The following RAB3GAP1 variants were observed in gnomAD, a reference collection of about 807,000 sequenced individuals.
RAB3GAP1 encodes rab3 GTPase-activating protein catalytic subunit.
RAB3GAP1 carries 86 observed loss-of-function variants against 130.7 expected under a neutral mutation model. The observed-to-expected ratio is 0.66, with a 90% CI of 0.55 to 0.79. The LOEUF is 0.79. RAB3GAP1 is among the 30% of genes least tolerant of loss of function. The probability of loss-of-function intolerance (pLI) is 0.00; values close to 1 mark genes in which losing one functional copy is unlikely to be tolerated. For missense variants in RAB3GAP1, 1,029 were observed against 1,169.4 expected, an observed-to-expected ratio of 0.88 and a Z score of 1.75; for synonymous variants, 367 against 401.7, an observed-to-expected ratio of 0.91 and a Z score of 1.03.
chr2:135,136,802 G>A (rs1028932840), intron 17 of RAB3GAP1: 2 of 818,500 alleles, frequency 2.4e-6, no homozygotes, highest in East Asian at 1.2e-4. Flanking sequence ...TAGCCATAAA[G>A]GTTGGTCCCA....
At chr2:135,092,031 G>T (rs925596313) in intron 4 of RAB3GAP1, among the ~76,000 whole-genome samples, 1 of 152,104 alleles carries the variant, frequency 6.6e-6, no homozygotes, top group South Asian at 2.1e-4. Flanking sequence ...ATAGAATTTT[G>T]TTACCTTTTC....
intron 2 of RAB3GAP1, among the ~76,000 whole-genome samples, chr2:135,056,079 G>T (rs1169444329): frequency 6.6e-6 from 1 of 150,970 alleles, no homozygotes; most frequent in African/African-American, 2.4e-5. Context: ...CTCATGATCC[G>T]CCCGCCTCGG....
intron 5 of RAB3GAP1, among the ~76,000 whole-genome samples, chr2:135,106,127 C>T (rs1044625826): frequency 2.0e-5 from 3 of 151,892 alleles, no homozygotes; most frequent in Non-Finnish European, 4.4e-5. Flanking sequence ...CCAGCCGCCC[C>T]GTCCAGGAGG....
At chr2:135,100,553 T>C (rs1324765739) in intron 5 of RAB3GAP1, among the ~76,000 whole-genome samples, 2 of 152,260 alleles carry the variant, frequency 1.3e-5, no homozygotes, top group Non-Finnish European at 2.9e-5. Flanking sequence ...GCCTGTGTCA[T>C]GTTAGTTTGC....
At chr2:135,119,192 T>G (rs1056326174) in intron 7 of RAB3GAP1, among the ~76,000 whole-genome samples, 6 of 147,700 alleles carry the variant, frequency 4.1e-5, no homozygotes, top group African/African-American at 1.5e-4. Flanking sequence ...CACTGCAACC[T>G]CTGCCTCCCG....
chr2:135,082,129 A>C (rs1038598433), intron 3 of RAB3GAP1, among the ~76,000 whole-genome samples: 4 of 127,842 alleles, frequency 3.1e-5, no homozygotes, highest in South Asian at 5.1e-4. Context: ...GTGACAGAGC[A>C]AGACTCTGTC....
intron 6 of RAB3GAP1, 148 bp from the exon 7 acceptor site, chr2:135,115,066 CTT>C: frequency 1.5e-6 from 1 of 652,484 alleles, no homozygotes; most frequent in South Asian, 2.3e-5. Flanking sequence ...CTAAGAATGT[CTT>C]TGTTATACAC....
intron 2 of RAB3GAP1, 114 bp downstream of exon 2, chr2:135,052,599 C>A: frequency 7.9e-7 from 1 of 1,262,302 alleles, no homozygotes; most frequent in Non-Finnish European, 1.1e-6. Flanking sequence ...ACGGTAATAC[C>A]GTGGGTCCCG....
At chr2:135,117,504 T>TCTTCTTCTGCTTCTTCTGCTTCTTCTG (rs1355437292) in intron 7 of RAB3GAP1, among the ~76,000 whole-genome samples, 4 of 136,918 alleles carry the variant, frequency 2.9e-5, no homozygotes, top group African/African-American at 1.2e-4. Flanking sequence ...TGCTTCTTCT[T>TCTTCTTCTGCTTCTTCTGCTTCTTCTG]CTTCTTCTGC....
chr2:135,135,937 G>C lies in RAB3GAP1; in HGVS notation c.1923+5G>C, dbSNP rs2104952288. 1.9e-6 allele frequency: 3 copies of C among 1,613,194 alleles called. No homozygotes were observed. The highest frequency in any genetic ancestry group is 2.5e-6 in the Non-Finnish European group (3 of 1,179,150). On this transcript the variant is annotated splice_donor_5th_base_variant and intron_variant, in intron 17 of 23. Coordinates refer to ENST00000264158, the MANE Select transcript of RAB3GAP1 (RefSeq NM_012233.3). ...CTCTACATTCCAGTAACCCAGGTAG[G>C]ATGCACTAGTTCTTTCCATTTTAAT...
chr2:135,155,272 GA>G (rs1381524472), intron 19 of RAB3GAP1, among the ~76,000 whole-genome samples: 1 of 151,978 alleles, frequency 6.6e-6, no homozygotes, highest in African/African-American at 2.4e-5. Flanking sequence ...TAAATTACAA[GA>G]GGCCCAAGTT....
At chr2:135,116,836 A>G (rs1690983983) in intron 7 of RAB3GAP1, among the ~76,000 whole-genome samples, 1 of 152,174 alleles carries the variant, frequency 6.6e-6, no homozygotes, top group South Asian at 2.1e-4. Flanking sequence ...TCATTATACT[A>G]GTTTTCCAAT....
rs1405423049 is a variant in RAB3GAP1, at chr2:135,081,349, TATATATATATATACAC to T, written c.151-9647_151-9632del. ...AAAAATATATATATATATATATATA[TATATATATATATACAC>T]ACACGTGTGTGTGTGTATATATATA... On this transcript the variant is annotated intron_variant, in intron 3 of 23. Coordinates refer to ENST00000264158, the MANE Select transcript of RAB3GAP1 (RefSeq NM_012233.3). Among the ~76,000 whole-genome samples the T allele has an allele frequency of 1.3e-3, 123 of 93,222 alleles. 5 individuals are homozygous for T. Among genetic ancestry groups the T allele is most frequent in the African/African-American group, 4.1e-3 (71 of 17,388 alleles). 61.2% of individuals were successfully genotyped at this position (93,222 alleles called of 152,430 possible). A position where few individuals can be genotyped will look rare whatever the true frequency, so the allele number is the denominator to read the frequency against.
chr2:135,068,024 T>C (rs1689369420), intron 3 of RAB3GAP1, among the ~76,000 whole-genome samples: 1 of 152,166 alleles, frequency 6.6e-6, no homozygotes, highest in African/African-American at 2.4e-5. Context: ...ACAGGTGTGA[T>C]CCACTGAGCC....
At chr2:135,083,777 T>G (rs891437945) in intron 3 of RAB3GAP1, among the ~76,000 whole-genome samples, 2 of 150,082 alleles carry the variant, frequency 1.3e-5, no homozygotes, top group East Asian at 1.9e-4. Context: ...GTTTTTTTTT[T>G]TTTTTTTTTT....
At chr2:135,066,630 C>G (rs957899786) in intron 3 of RAB3GAP1, among the ~76,000 whole-genome samples, 1 of 152,050 alleles carries the variant, frequency 6.6e-6, no homozygotes, top group African/African-American at 2.4e-5. Flanking sequence ...AAAATTACTT[C>G]CAGTGAGTAT....
intron 11 of RAB3GAP1, 117 bp from the exon 12 acceptor site, chr2:135,129,878 T>A: frequency 1.4e-6 from 1 of 724,148 alleles, no homozygotes; most frequent in Non-Finnish European, 2.4e-6. Context: ...AACTGAATGG[T>A]TTTACTTTCT....
intron 3 of RAB3GAP1, among the ~76,000 whole-genome samples, chr2:135,083,906 A>T (rs189517820): frequency 1.3e-5 from 2 of 150,678 alleles, no homozygotes; most frequent in East Asian, 3.9e-4. Flanking sequence ...CTGTTAGTAT[A>T]CCTTTTTTAG....
intron 3 of RAB3GAP1, among the ~76,000 whole-genome samples, chr2:135,064,194 G>C (rs1689253957): frequency 6.6e-6 from 1 of 152,056 alleles, no homozygotes; most frequent in Non-Finnish European, 1.5e-5. Flanking sequence ...TATTTTTGCT[G>C]CATAGGGTTT....
Sources: gnomAD v4.1 joint callset for allele counts (sites outside exome capture counted in the v4.1 genomes callset) on GRCh38, gnomAD v4.1.1 for gene constraint, MANE v1.5 for transcripts, NCBI Gene and HGNC (gene_info 2026-07-23, HGNC 2026-07-21) for gene names.